SLC2A13: variants seen among roughly 807,000 people sequenced by gnomAD.
The protein encoded by SLC2A13 is solute carrier family 2 member 13.
In SLC2A13, 32 loss-of-function variants were observed where a neutral mutation model predicts 64.4. The ratio of observed to expected loss-of-function variants is 0.50; its 90% CI spans 0.37 to 0.67. SLC2A13 has a LOEUF of 0.67. Ranked by LOEUF, SLC2A13 falls within the 30% of genes least tolerant of loss-of-function variation. The pLI, the probability that SLC2A13 is intolerant of heterozygous loss-of-function variation, is 0.00. For missense variants in SLC2A13, 743 were observed against 829.2 expected, an observed-to-expected ratio of 0.90 and a Z score of 1.28; for synonymous variants, 338 against 327.1, an observed-to-expected ratio of 1.03 and a Z score of -0.36.
intron 1 of SLC2A13, among the ~76,000 whole-genome samples, chr12:40,099,122 G>T (rs1002828067): frequency 6.6e-6 from 1 of 152,212 alleles, no homozygotes; most frequent in Admixed American, 6.5e-5. Context: ...CTTGAGTTTA[G>T]AAGTACCCGT....
chr12:39,907,286 G>C (rs965994686), intron 4 of SLC2A13, among the ~76,000 whole-genome samples: 1 of 152,020 alleles, frequency 6.6e-6, no homozygotes, highest in East Asian at 1.9e-4. Flanking sequence ...TGATGAAAGA[G>C]AACATATATG....
chr12:39,971,293 T>C (rs1946642160), intron 3 of SLC2A13, among the ~76,000 whole-genome samples: 1 of 152,210 alleles, frequency 6.6e-6, no homozygotes, highest in African/African-American at 2.4e-5. Context: ...TTTATTCCCA[T>C]AGTTTAGCTT....
At chr12:40,050,496 T>G (rs1266902047) in intron 1 of SLC2A13, among the ~76,000 whole-genome samples, 1 of 151,852 alleles carries the variant, frequency 6.6e-6, no homozygotes, top group African/African-American at 2.4e-5. Flanking sequence ...GGATTTGGAG[T>G]TGGAAAGAAC....
chr12:39,829,898 G>A (rs1390943322), intron 7 of SLC2A13: 3 of 634,814 alleles, frequency 4.7e-6, no homozygotes, highest in Admixed American at 2.9e-5. Flanking sequence ...GTCTCCAAAA[G>A]TCTAGGCCTG....
chr12:39,995,361 G>A (rs1346138695), intron 3 of SLC2A13, among the ~76,000 whole-genome samples: 1 of 152,006 alleles, frequency 6.6e-6, no homozygotes, highest in African/African-American at 2.4e-5. Flanking sequence ...TCCCTACTGT[G>A]CTATCAAACA....
rs746792393 is a variant in SLC2A13 at position 40,105,527 on chromosome 12, C to T, written c.282G>A (p.Leu94=). Residue 94 remains leucine, a synonymous_variant, in exon 1 of 10, where the codon CTG becomes CTA. Coordinates refer to ENST00000280871, the MANE Select transcript of SLC2A13 (RefSeq NM_052885.4). This position sits in a 1 kb window ranked among gnomAD's most constrained non-coding sequence, Gnocchi z 4.2. ...ACACCACCCCGGTGTCATAGCCAAA[C>T]AGGAAGCCGCCCAGCGCGGAGAAGA... ...VAVFSALGGF[L]FGYDTGVVSG... 1.5e-4 allele frequency: 243 copies of T among 1,582,602 alleles called. No individual in the cohort carries two copies. The highest frequency in any genetic ancestry group is 6.0e-4 in the Admixed American group (34 of 56,678).
intron 1 of SLC2A13, among the ~76,000 whole-genome samples, chr12:40,065,334 C>A (rs996686418): frequency 1.3e-5 from 2 of 152,054 alleles, no homozygotes. Context: ...ATAATCCCAA[C>A]ACTTTGGAAA....
intron 1 of SLC2A13, among the ~76,000 whole-genome samples, chr12:40,090,913 T>C (rs1425959057): frequency 6.6e-6 from 1 of 152,228 alleles, no homozygotes; most frequent in Non-Finnish European, 1.5e-5. Context: ...TTGGTAAAGA[T>C]GTGCACATGC....
chr12:39,801,339 TAAAAAA>T (rs34671641), intron 7 of SLC2A13, among the ~76,000 whole-genome samples: 22,457 of 126,880 alleles, frequency 0.18, 1,693 homozygotes, highest in East Asian at 0.32. Flanking sequence ...ATGAGGAAAT[TAAAAAA>T]AAAAAAAAAA....
At chr12:40,022,011 T>G (rs560544713) in intron 3 of SLC2A13, among the ~76,000 whole-genome samples, 40 of 152,142 alleles carry the variant, frequency 2.6e-4, no homozygotes, top group African/African-American at 9.6e-4. Context: ...TAGGTAAGAC[T>G]TCATGACCAA....
intron 6 of SLC2A13, among the ~76,000 whole-genome samples, chr12:39,836,501 G>T (rs1006639828): frequency 1.3e-5 from 2 of 151,746 alleles, no homozygotes; most frequent in Non-Finnish European, 2.9e-5. Flanking sequence ...CAATTAGGCA[G>T]GAGAAGGAAA....
At chr12:39,826,854 A>ATTTTTTTTTTTT (rs63699664) in intron 7 of SLC2A13, among the ~76,000 whole-genome samples, 976 of 67,136 alleles carry the variant, frequency 0.015, 39 homozygotes, top group East Asian at 0.055. Flanking sequence ...GTCTCTTTCA[A>ATTTTTTTTTTTT]TTTTTTTTTT....
intron 9 of SLC2A13, among the ~76,000 whole-genome samples, chr12:39,764,136 T>TG (rs960153341): frequency 5.3e-5 from 8 of 151,892 alleles, no homozygotes; most frequent in Non-Finnish European, 7.4e-5. Flanking sequence ...TGTTTTTTTT[T>TG]TTTGTTTGTT....
intron 4 of SLC2A13, among the ~76,000 whole-genome samples, chr12:39,895,361 G>T (rs1183422552): frequency 6.6e-6 from 1 of 150,982 alleles, no homozygotes; most frequent in Non-Finnish European, 1.5e-5. Flanking sequence ...TTGGTGGCAG[G>T]CACCTGTAGT....
At chr12:40,089,493 A>AT (rs1267347607) in intron 1 of SLC2A13, among the ~76,000 whole-genome samples, 3 of 152,164 alleles carry the variant, frequency 2.0e-5, no homozygotes, top group African/African-American at 7.2e-5. Context: ...CTCAATTGTA[A>AT]TCAATAAAGA....
At chr12:40,102,374 T>C (rs1939179209) in intron 1 of SLC2A13, among the ~76,000 whole-genome samples, 1 of 152,220 alleles carries the variant, frequency 6.6e-6, no homozygotes, top group Admixed American at 6.5e-5. Flanking sequence ...ACTATTTTTG[T>C]GGTTTGAAAA....
intron 4 of SLC2A13, among the ~76,000 whole-genome samples, chr12:39,917,786 C>T (rs1051489002): frequency 1.3e-5 from 2 of 151,958 alleles, no homozygotes; most frequent in Non-Finnish European, 2.9e-5. Flanking sequence ...TGAGCCATTT[C>T]CCACATGTCA....
chr12:39,827,926 T>C (rs1437450744), intron 7 of SLC2A13, among the ~76,000 whole-genome samples: 1 of 152,146 alleles, frequency 6.6e-6, no homozygotes. Flanking sequence ...TATATGGCTA[T>C]GGATTGCCTC....
intron 4 of SLC2A13, among the ~76,000 whole-genome samples, chr12:39,920,506 A>G (rs1945596577): frequency 6.6e-6 from 1 of 152,120 alleles, no homozygotes; most frequent in South Asian, 2.1e-4. Context: ...GGGTGCAAAG[A>G]TGGAAACCGA....
Sources: gnomAD v4.1 joint callset for allele counts (sites outside exome capture counted in the v4.1 genomes callset) on GRCh38, gnomAD v4.1.1 for gene constraint, Gnocchi (gnomAD v3.1) non-coding constraint, MANE v1.5 for transcripts, NCBI Gene and HGNC (gene_info 2026-07-23, HGNC 2026-07-21) for gene names.